TYW1: variants seen among roughly 807,000 people sequenced by gnomAD.
TYW1 encodes tRNA-yW synthesizing protein 1 homolog, also known as S-adenosyl-L-methionine-dependent tRNA 4-demethylwyosine synthase TYW1.
Under a neutral mutation model 96.2 loss-of-function variants are expected in TYW1, and 46 were observed. That is an observed-to-expected ratio of 0.48 (90% CI 0.38 to 0.61). The LOEUF (loss-of-function observed/expected upper bound fraction) is 0.61, where lower values mean the gene tolerates loss of function less well. Among genes scored for constraint, TYW1 ranks in the 20% least tolerant of loss-of-function variants. The probability of loss-of-function intolerance (pLI) is 0.00; values close to 1 mark genes in which losing one functional copy is unlikely to be tolerated. For synonymous variants in TYW1, 274 were observed against 323.0 expected (o/e 0.85, Z 1.63); for missense variants, 684 against 909.6 (o/e 0.75, Z 3.19).
intron 11 of TYW1, among the ~76,000 whole-genome samples, chr7:67,097,848 A>G (rs1796966749): frequency 1.4e-5 from 2 of 145,242 alleles, no homozygotes; most frequent in South Asian, 4.4e-4. Flanking sequence ...ATGTGCCACC[A>G]TGCCCAGCTA....
chr7:67,130,934 C>T (rs928565049), intron 13 of TYW1, among the ~76,000 whole-genome samples: 2 of 152,016 alleles, frequency 1.3e-5, no homozygotes, highest in East Asian at 3.9e-4. Context: ...TTGAAAAGTC[C>T]CCTAGGGAAG....
intron 13 of TYW1, among the ~76,000 whole-genome samples, chr7:67,154,278 CA>C (rs1163177222): frequency 2.6e-5 from 4 of 152,088 alleles, no homozygotes; most frequent in Admixed American, 6.6e-5. Flanking sequence ...AACAGTTGAG[CA>C]TACTTTTATT....
chr7:67,057,991 T>C (rs1263271647), intron 9 of TYW1, among the ~76,000 whole-genome samples: 3 of 152,224 alleles, frequency 2.0e-5, no homozygotes, highest in African/African-American at 7.2e-5. Flanking sequence ...GATTTTCTTC[T>C]AGAAGCTTCG....
chr7:67,101,547 G>A (rs1797088367), intron 12 of TYW1, among the ~76,000 whole-genome samples: 1 of 152,104 alleles, frequency 6.6e-6, no homozygotes. Context: ...ACAAAGTCTA[G>A]CTTTGTCGCC....
At chr7:67,124,296 C>A (rs1489272240) in intron 13 of TYW1, among the ~76,000 whole-genome samples, 2 of 151,972 alleles carry the variant, frequency 1.3e-5, no homozygotes, top group Admixed American at 6.6e-5. Context: ...TGGTGGTTTC[C>A]TTTTGTTGCC....
chr7:67,041,774 TACTC>T (rs1220110620), intron 7 of TYW1, among the ~76,000 whole-genome samples: 1 of 152,128 alleles, frequency 6.6e-6, no homozygotes, highest in Non-Finnish European at 1.5e-5. Context: ...TTTTGAGTAA[TACTC>T]ACTAACTTTC....
At chr7:67,065,880 G>A (rs13308443) in intron 9 of TYW1, among the ~76,000 whole-genome samples, 5 of 152,018 alleles carry the variant, frequency 3.3e-5, no homozygotes, top group South Asian at 4.2e-4. Flanking sequence ...GCGTGGTGCC[G>A]CATGCCTATA....
chr7:67,028,704 TG>T (rs1794542660), intron 7 of TYW1, among the ~76,000 whole-genome samples: 1 of 152,180 alleles, frequency 6.6e-6, no homozygotes, highest in East Asian at 1.9e-4. Flanking sequence ...CTAGCCTGTA[TG>T]GAAGGGCTTT....
At chr7:67,210,623 G>A (rs1169860795) in intron 15 of TYW1, among the ~76,000 whole-genome samples, 1 of 152,066 alleles carries the variant, frequency 6.6e-6, no homozygotes, top group Non-Finnish European at 1.5e-5. Context: ...TCATATATCT[G>A]TATCACCATC....
intron 11 of TYW1, among the ~76,000 whole-genome samples, chr7:67,094,852 A>G (rs532795898): frequency 7.2e-5 from 11 of 152,064 alleles, no homozygotes; most frequent in Non-Finnish European, 1.6e-4. Flanking sequence ...ATCATTCTCT[A>G]TCTATGAGGA....
chr7:67,155,196 A>G (rs796285425), intron 13 of TYW1, among the ~76,000 whole-genome samples: 94 of 152,204 alleles, frequency 6.2e-4, no homozygotes, highest in African/African-American at 2.2e-3. Flanking sequence ...TATAGTTTGG[A>G]TGTTTGTCCC....
intron 15 of TYW1, among the ~76,000 whole-genome samples, chr7:67,210,913 T>A (rs796406808): frequency 7.0e-6 from 1 of 143,586 alleles, no homozygotes; most frequent in Admixed American, 7.1e-5. Flanking sequence ...TCCATCCATC[T>A]ATCCAACCAT....
At chr7:67,016,510 G>A (rs1794027908) in intron 5 of TYW1, among the ~76,000 whole-genome samples, 1 of 151,946 alleles carries the variant, frequency 6.6e-6, no homozygotes, top group African/African-American at 2.4e-5. Context: ...TCGTGCCATT[G>A]CACTCCAGCC....
intron 1 of TYW1, among the ~76,000 whole-genome samples, chr7:66,997,849 G>C (rs1347015514): frequency 6.6e-6 from 1 of 152,034 alleles, no homozygotes; most frequent in East Asian, 1.9e-4. Context: ...GGCTGGTCTC[G>C]AACTCCTGAC....
intron 13 of TYW1, among the ~76,000 whole-genome samples, chr7:67,157,180 G>T (rs1412192962): frequency 1.3e-5 from 2 of 152,080 alleles, no homozygotes; most frequent in Admixed American, 6.6e-5. Flanking sequence ...TACAAAGATA[G>T]TACAGAATTC....
At chr7:67,130,047 CTT>C (rs199782990) in intron 13 of TYW1, among the ~76,000 whole-genome samples, 1 of 146,688 alleles carries the variant, frequency 6.8e-6, no homozygotes, top group African/African-American at 2.5e-5. Flanking sequence ...TTGATTTCTA[CTT>C]TTTTTTTTTT....
At chr7:67,202,677 A>C (rs1006067695) in intron 15 of TYW1, among the ~76,000 whole-genome samples, 5 of 152,188 alleles carry the variant, frequency 3.3e-5, no homozygotes, top group Admixed American at 3.3e-4. Context: ...GATTACAGAC[A>C]TGAGCCACCG....
intron 15 of TYW1, among the ~76,000 whole-genome samples, chr7:67,201,519 G>A (rs1800598447): frequency 6.7e-6 from 1 of 150,206 alleles, no homozygotes; most frequent in Non-Finnish European, 1.5e-5. Flanking sequence ...TGACTCCCTG[G>A]CCTCTAACCT....
rs1220303402 is a variant in TYW1, at chr7:67,061,766, G to T, written c.1156-5519G>T. Among the ~76,000 whole-genome samples, 4 of 152,156 alleles carry T rather than the reference G, an allele frequency of 2.6e-5. No homozygotes were observed. In the East Asian group the frequency reaches 7.7e-4, roughly 29 times the overall value. On this transcript the variant is annotated intron_variant, in intron 9 of 15. Coordinates refer to ENST00000359626, the MANE Select transcript of TYW1 (RefSeq NM_018264.4). ...TGAATTTTGGGAGGAATCCAATAGG[G>T]AGGAAAAGCAAATGGTTCCATCTTT...
Sources: gnomAD v4.1 joint callset for allele counts (sites outside exome capture counted in the v4.1 genomes callset) on GRCh38, gnomAD v4.1.1 for gene constraint, MANE v1.5 for transcripts, NCBI Gene and HGNC (gene_info 2026-07-23, HGNC 2026-07-21) for gene names.